MAGI2: variants seen among roughly 807,000 people sequenced by gnomAD.
MAGI2 encodes membrane-associated guanylate kinase, WW and PDZ domain-containing protein 2.
In MAGI2, 35 loss-of-function variants were observed where a neutral mutation model predicts 133.3. The ratio of observed to expected loss-of-function variants is 0.26; its 90% CI spans 0.20 to 0.35. The LOEUF is 0.35. Among genes scored for constraint, MAGI2 ranks in the 10% least tolerant of loss-of-function variants. The pLI is 1.00. For missense variants in MAGI2, 1,636 were observed against 1,863.4 expected, an observed-to-expected ratio of 0.88 and a Z score of 2.25; for synonymous variants, 729 against 710.6, an observed-to-expected ratio of 1.03 and a Z score of -0.41.
chr7:78,269,420 G>A (rs1266746779), intron 9 of MAGI2, among the ~76,000 whole-genome samples: 1 of 152,026 alleles, frequency 6.6e-6, no homozygotes, highest in East Asian at 1.9e-4. Flanking sequence ...AAGCATTCAT[G>A]TTCTCCACAT....
At chr7:79,210,123 T>C (rs2129552597) in intron 1 of MAGI2, among the ~76,000 whole-genome samples, 1 of 152,180 alleles carries the variant, frequency 6.6e-6, no homozygotes, top group South Asian at 2.1e-4. Flanking sequence ...GTTAAATACA[T>C]TGACTGTTGA....
In MAGI2 at chr7:78,864,577, G is replaced by A. The variant is rs565577428; in HGVS notation, c.418+142513C>T. ...GGAAATGTCACTGCCATTGAGTACT[G>A]TTCCTTGTCTGCATTCCATTTTCTG... On this transcript the variant is annotated intron_variant, in intron 2 of 21. Transcript: ENST00000354212. Among the ~76,000 whole-genome samples, 6 of 152,274 alleles carry A rather than the reference G, an allele frequency of 3.9e-5. No homozygotes were observed. The South Asian group carries it at 1.0e-3, about 26-fold the overall frequency.
chr7:78,905,488 T>C (rs1004159476), intron 2 of MAGI2, among the ~76,000 whole-genome samples: 5 of 152,192 alleles, frequency 3.3e-5, no homozygotes, highest in Non-Finnish European at 7.4e-5. Flanking sequence ...ATAATGCATG[T>C]TCAGTATTTA....
At chr7:79,162,056 GA>G (rs368026599) in intron 1 of MAGI2, among the ~76,000 whole-genome samples, 61 of 146,018 alleles carry the variant, frequency 4.2e-4, no homozygotes, top group Admixed American at 1.1e-3. Flanking sequence ...ATCTTTAATA[GA>G]AAAAAAAAAG....
At chr7:78,694,976 A>G (rs2151132390) in intron 2 of MAGI2, among the ~76,000 whole-genome samples, 1 of 152,320 alleles carries the variant, frequency 6.6e-6, no homozygotes, top group African/African-American at 2.4e-5. Context: ...CTGTAATCCC[A>G]GCACTTTGGG....
chr7:79,198,845 G>A (rs1279997817), intron 1 of MAGI2, among the ~76,000 whole-genome samples: 1 of 151,928 alleles, frequency 6.6e-6, no homozygotes, highest in Non-Finnish European at 1.5e-5. Flanking sequence ...CAGAGATCGT[G>A]CCACTGCACT....
intron 6 of MAGI2, among the ~76,000 whole-genome samples, chr7:78,432,527 T>G (rs1356370285): frequency 6.7e-6 from 1 of 150,374 alleles, no homozygotes; most frequent in Non-Finnish European, 1.5e-5. Context: ...TTCTTCGTTG[T>G]TGATTTGTGT....
intron 9 of MAGI2, among the ~76,000 whole-genome samples, chr7:78,261,853 C>T (rs905467794): frequency 1.8e-4 from 27 of 152,044 alleles, no homozygotes; most frequent in African/African-American, 6.0e-4. Flanking sequence ...TAATATTGTA[C>T]ATCTATTCTG....
intron 1 of MAGI2, among the ~76,000 whole-genome samples, chr7:79,145,598 A>G (rs1221668713): frequency 6.6e-6 from 1 of 152,140 alleles, no homozygotes; most frequent in African/African-American, 2.4e-5. Flanking sequence ...CCAATAAAAT[A>G]CATACTAGTT....
intron 6 of MAGI2, among the ~76,000 whole-genome samples, chr7:78,416,616 TG>T (rs534433980): frequency 4.6e-5 from 7 of 152,184 alleles, no homozygotes; most frequent in Non-Finnish European, 1.0e-4. Flanking sequence ...GAAGTATAGT[TG>T]TAAACCATTG....
chr7:78,612,312 C>T (rs958940486), intron 3 of MAGI2, among the ~76,000 whole-genome samples: 2 of 151,936 alleles, frequency 1.3e-5, no homozygotes, highest in African/African-American at 4.8e-5. Context: ...CAAGTGTGGT[C>T]TCAAATTTTA....
intron 1 of MAGI2, among the ~76,000 whole-genome samples, chr7:79,149,040 A>G (rs1031720372): frequency 6.9e-6 from 1 of 144,044 alleles, no homozygotes. Flanking sequence ...TTTAGGAAGT[A>G]TATATATATA....
intron 1 of MAGI2, among the ~76,000 whole-genome samples, chr7:79,040,938 G>A (rs894609259): frequency 6.6e-6 from 1 of 152,110 alleles, no homozygotes; most frequent in African/African-American, 2.4e-5. Flanking sequence ...AGCACAATAT[G>A]GTAACTACAG....
chr7:79,210,106 A>T (rs1418692719), intron 1 of MAGI2, among the ~76,000 whole-genome samples: 1 of 152,052 alleles, frequency 6.6e-6, no homozygotes, highest in Non-Finnish European at 1.5e-5. Context: ...TTTTGATTTC[A>T]TGCTTTGTTA....
chr7:79,073,013 A>G (rs1162016649), intron 1 of MAGI2, among the ~76,000 whole-genome samples: 1 of 152,138 alleles, frequency 6.6e-6, no homozygotes, highest in Non-Finnish European at 1.5e-5. Flanking sequence ...TCTGTAGGAG[A>G]GTCAAAAAGA....
At chr7:78,153,745 A>G (rs1001953514) in intron 16 of MAGI2, among the ~76,000 whole-genome samples, 1 of 152,348 alleles carries the variant, frequency 6.6e-6, no homozygotes. Flanking sequence ...AACTAACTTA[A>G]TACCTTATTT....
chr7:79,163,828 T>C (rs916808834), intron 1 of MAGI2, among the ~76,000 whole-genome samples: 5 of 152,070 alleles, frequency 3.3e-5, no homozygotes, highest in African/African-American at 4.8e-5. Flanking sequence ...TTTATATCTC[T>C]TGTAAGTGTT....
chr7:78,734,132 A>G (rs2151233209), intron 2 of MAGI2, among the ~76,000 whole-genome samples: 1 of 152,340 alleles, frequency 6.6e-6, no homozygotes, highest in East Asian at 1.9e-4. Context: ...AGATGCAATA[A>G]GACAAAGACA....
intron 6 of MAGI2, among the ~76,000 whole-genome samples, chr7:78,473,140 T>C (rs761250634): frequency 2.0e-5 from 3 of 152,100 alleles, no homozygotes; most frequent in Non-Finnish European, 2.9e-5. Context: ...GAACAACAGA[T>C]ACCCACAAAA....
Sources: allele counts gnomAD v4.1 joint callset (sites outside exome capture counted in the v4.1 genomes callset), GRCh38; gene constraint gnomAD v4.1.1; transcripts MANE v1.5; gene names NCBI Gene and HGNC (gene_info 2026-07-23, HGNC 2026-07-21).